The following PHEX variants were observed in gnomAD, a reference collection of about 807,000 sequenced individuals.
The protein encoded by PHEX is phosphate-regulating neutral endopeptidase PHEX.
In PHEX, 16 loss-of-function variants were observed where a neutral mutation model predicts 68.0. That is an observed-to-expected ratio of 0.24 (90% CI 0.16 to 0.36). The LOEUF is 0.36. PHEX is among the 10% of genes least tolerant of loss of function. The pLI, the probability that PHEX is intolerant of heterozygous loss-of-function variation, is 1.00. For synonymous variants in PHEX, 208 were observed against 205.1 expected (o/e 1.01, Z -0.12); for missense variants, 480 against 575.5 (o/e 0.83, Z 1.70).
At chrX:22,229,706 T>C (rs1324073957) in intron 20 of PHEX, among the ~76,000 whole-genome samples, 1 of 112,127 alleles carries the variant, frequency 8.9e-6, no homozygotes, top group African/African-American at 3.2e-5. Flanking sequence ...TTCACTCTGG[T>C]GGTAGTTTCT....
intron 10 of PHEX, among the ~76,000 whole-genome samples, chrX:22,113,943 C>CT (rs746349559): frequency 0.027 from 1,725 of 63,950 alleles, 84 homozygotes; most frequent in African/African-American, 0.078. Context: ...TCTTCTTCTT[C>CT]TTTTTTTTTT....
intron 11 of PHEX, among the ~76,000 whole-genome samples, chrX:22,127,816 C>T (rs1931800524): frequency 9.1e-6 from 1 of 109,955 alleles, no homozygotes; most frequent in Non-Finnish European, 1.9e-5. Context: ...AGTGATTTAC[C>T]CGCGTTTTGA....
intron 3 of PHEX, among the ~76,000 whole-genome samples, chrX:22,055,467 C>A (rs1928057555): frequency 9.0e-6 from 1 of 111,030 alleles, no homozygotes; most frequent in South Asian, 3.7e-4. Flanking sequence ...AGGATATGTT[C>A]TCTTTCTAAA....
intron 15 of PHEX, among the ~76,000 whole-genome samples, chrX:22,192,492 T>C (rs1197935747): frequency 1.8e-5 from 2 of 111,824 alleles, no homozygotes; most frequent in Non-Finnish European, 3.8e-5. Context: ...AGCCAAATTA[T>C]TTATAATGGC....
intron 13 of PHEX, among the ~76,000 whole-genome samples, chrX:22,168,837 C>T (rs987461925): frequency 7.1e-5 from 8 of 111,918 alleles, no homozygotes; most frequent in Admixed American, 2.9e-4. Context: ...AAATTAAATG[C>T]ATATACATAC....
chrX:22,080,734 A>C (rs1188494989), intron 5 of PHEX, among the ~76,000 whole-genome samples: 1 of 111,899 alleles, frequency 8.9e-6, no homozygotes, highest in Non-Finnish European at 1.9e-5. Context: ...AACAAACAAA[A>C]AAAATAATAG....
At chrX:22,110,415 A>G (rs183554244) in intron 9 of PHEX, among the ~76,000 whole-genome samples, 23 of 112,288 alleles carry the variant, frequency 2.0e-4, no homozygotes, top group African/African-American at 6.5e-4. Context: ...GAACCCATTC[A>G]ATGTTTTTGT....
chrX:22,217,566 A>G (rs1018835848), intron 16 of PHEX, among the ~76,000 whole-genome samples: 1 of 111,911 alleles, frequency 8.9e-6, no homozygotes, highest in Non-Finnish European at 1.9e-5. Flanking sequence ...TTGATGTTGC[A>G]TGTCAGGAAC....
intron 15 of PHEX, among the ~76,000 whole-genome samples, chrX:22,211,345 T>C (rs1934915918): frequency 8.9e-6 from 1 of 112,253 alleles, no homozygotes; most frequent in South Asian, 3.7e-4. Context: ...TTTCAACTTG[T>C]CATGGTATTG....
rs113935282 is a variant in PHEX at position 22,222,325 on chromosome X, G to GT, written c.1899+583dup. On this transcript the variant is annotated intron_variant, in intron 18 of 21. Coordinates refer to ENST00000379374, the MANE Select transcript of PHEX (RefSeq NM_000444.6). ...TTCACACTGTGAAAATTCATCTGGA[G>GT]TATATGTTGCTTCAAGAAAAGCATA... 2.6e-3 allele frequency among the ~76,000 whole-genome samples: 297 copies of GT among 112,085 alleles called. 3 individuals are homozygous for GT. Among genetic ancestry groups the GT allele is most frequent in the African/African-American group, 9.1e-3 (281 of 30,883 alleles).
intron 21 of PHEX, among the ~76,000 whole-genome samples, chrX:22,246,871 G>C (rs1936407342): frequency 8.9e-6 from 1 of 112,095 alleles, no homozygotes; most frequent in African/African-American, 3.2e-5. Context: ...AGAATGCTGA[G>C]TCTCTAGTCA....
intron 15 of PHEX, among the ~76,000 whole-genome samples, chrX:22,193,727 C>A (rs1287033120): frequency 1.8e-5 from 2 of 111,953 alleles, no homozygotes; most frequent in African/African-American, 6.5e-5. Context: ...TGCTTATGAA[C>A]AGTGCTGCTC....
chrX:22,229,637 C>G (rs1311978409), intron 20 of PHEX, among the ~76,000 whole-genome samples: 1 of 112,077 alleles, frequency 8.9e-6, no homozygotes, highest in African/African-American at 3.2e-5. Context: ...ATTCTCGATA[C>G]TAGCCCTTTG....
At chrX:22,228,520 A>AAATT (rs1569435044) in intron 20 of PHEX, among the ~76,000 whole-genome samples, 1 of 111,606 alleles carries the variant, frequency 9.0e-6, no homozygotes, top group African/African-American at 3.3e-5. Flanking sequence ...AACACTAAAT[A>AAATT]AATTATTATT....
At chrX:22,160,948 A>G (rs751484933) in intron 12 of PHEX, among the ~76,000 whole-genome samples, 4 of 110,137 alleles carry the variant, frequency 3.6e-5, no homozygotes, top group Non-Finnish European at 7.6e-5. Flanking sequence ...AGCCTGGCCA[A>G]CATGATGAAA....
chrX:22,099,244 A>G, intron 9 of PHEX, 93 bp downstream of exon 9: 1 of 873,502 alleles, frequency 1.1e-6, no homozygotes, highest in Admixed American at 2.2e-5. Flanking sequence ...ACTGTTTTTA[A>G]AGAATGTTAC....
chrX:22,220,842 A>T (rs1935246209), intron 17 of PHEX, among the ~76,000 whole-genome samples: 1 of 112,151 alleles, frequency 8.9e-6, no homozygotes, highest in African/African-American at 3.2e-5. Flanking sequence ...TGTATAATTA[A>T]ATTTAAACGA....
chrX:22,042,340 G>C (rs1372062997), intron 2 of PHEX, among the ~76,000 whole-genome samples: 1 of 112,067 alleles, frequency 8.9e-6, no homozygotes, highest in Non-Finnish European at 1.9e-5. Context: ...TCACAGATAA[G>C]GGCAGACAGG....
At chrX:22,223,333 C>T (rs1031355602) in intron 18 of PHEX, among the ~76,000 whole-genome samples, 6 of 111,315 alleles carry the variant, frequency 5.4e-5, no homozygotes, top group African/African-American at 9.8e-5. Context: ...TGTTCCTTTT[C>T]GTAGCTGTTG....
Sources: gnomAD v4.1 joint callset for allele counts (sites outside exome capture counted in the v4.1 genomes callset) on GRCh38, gnomAD v4.1.1 for gene constraint, MANE v1.5 for transcripts, NCBI Gene and HGNC (gene_info 2026-07-23, HGNC 2026-07-21) for gene names.